Variants in SQLE observed in about 807,000 individuals in gnomAD.
SQLE encodes the protein squalene monooxygenase.
Under a neutral mutation model 60.7 loss-of-function variants are expected in SQLE, and 29 were observed. That is an observed-to-expected ratio of 0.48 (90% CI 0.36 to 0.65). The LOEUF (loss-of-function observed/expected upper bound fraction) is 0.65. Ranked by LOEUF, SQLE falls within the 30% of genes least tolerant of loss-of-function variation. SQLE has a pLI of 0.00. For missense variants in SQLE, 605 were observed against 684.1 expected (o/e 0.88, Z 1.29); for synonymous variants, 237 against 246.8 (o/e 0.96, Z 0.37).
At position 124,999,195 on chromosome 8, in the gene SQLE, C is replaced by G. The variant is rs1382728782; in HGVS notation, c.-209C>G. ...ATTTTTAAATACTGCTTTCTACGCC[C>G]TATACAACTTGGCTTCACATACTTT... On this transcript the variant is annotated 5_prime_UTR_variant, in exon 1 of 11. Transcript: ENST00000265896. 4.7e-6 allele frequency: 2 copies of G among 425,102 alleles called. No individual in the cohort carries two copies. The highest frequency in any genetic ancestry group is 8.0e-6 in the Non-Finnish European group (2 of 249,862). The allele number at this position is 425,102 out of a possible 1,614,324, so 26.3% of individuals were successfully genotyped here. A position where few individuals can be genotyped will look rare whatever the true frequency, so the allele number is the denominator to read the frequency against.
chr8:125,003,928 A>G (rs1814906499), intron 2 of SQLE, among the ~76,000 whole-genome samples: 2 of 151,886 alleles, frequency 1.3e-5, no homozygotes, highest in South Asian at 4.2e-4. Context: ...GAGAGACACA[A>G]AGAAGCAAGC....
Position 125,021,883 on chromosome 8 carries a change from T to C in SQLE, c.1663T>C (p.Tyr555His), listed in dbSNP as rs371552711. 42 of 1,610,738 alleles carry C rather than the reference T, an allele frequency of 2.6e-5. No individual in the cohort carries two copies. In the African/African-American group the frequency reaches 4.9e-4, roughly 19 times the overall value. ...RALLSSGAVL[Y>H]KACSVIFPLI... ...CCTTCTCAGTAGTGGTGCTGTATTG[T>C]ACAAAGCGTGTTCTGTAATATTTCC... The change falls in exon 11 of 11, where the codon TAC becomes CAC. Residue 555 changes from tyrosine to histidine, a missense_variant. Physicochemically the swap from Tyr to His is moderately conservative, Grantham distance 83 (BLOSUM62 2). Transcript: ENST00000265896.
intron 3 of SQLE, among the ~76,000 whole-genome samples, chr8:125,006,981 G>A (rs971496466): frequency 5.3e-5 from 8 of 152,292 alleles, no homozygotes; most frequent in Admixed American, 1.3e-4. Context: ...GGGATTACAG[G>A]TGTGAGCCAC....
chr8:125,009,456 TTAAAC>T, intron 6 of SQLE, 113 bp downstream of exon 6: 1 of 1,101,662 alleles, frequency 9.1e-7, no homozygotes, highest in Non-Finnish European at 1.2e-6. Context: ...ACTGAACTAT[TTAAAC>T]TAGCACTTAA....
chr8:124,998,855 A>G lies in SQLE; in HGVS notation c.-549A>G, dbSNP rs924807859. On this transcript the variant is annotated 5_prime_UTR_variant, in exon 1 of 11. Transcript: ENST00000265896. ...GGCTGTACAGTGTCTCCGTCCGCGG[A>G]AAAAGAAGCCTCTGAACCCGCGCCG... 1.3e-5 allele frequency: 5 copies of G among 399,646 alleles called. No homozygotes were observed. The highest frequency in any genetic ancestry group is 8.3e-5 in the African/African-American group (4 of 48,222). 24.8% of individuals were successfully genotyped at this position (399,646 alleles called of 1,614,324 possible).
chr8:124,998,702 T>G lies in SQLE; in HGVS notation c.-702T>G, dbSNP rs1814788270. Reference sequence around the variant, plus strand: ...GAAGTGCAGTCGCGGTGGGCGGCTCTGGGGGCCAGCGAAACGGGAGGCCTC... The same window carrying G: ...GAAGTGCAGTCGCGGTGGGCGGCTCGGGGGGCCAGCGAAACGGGAGGCCTC... On this transcript the variant is annotated 5_prime_UTR_variant, in exon 1 of 11. Coordinates refer to ENST00000265896, the MANE Select transcript of SQLE (RefSeq NM_003129.4). 1 of 613,820 alleles carries G rather than the reference T, an allele frequency of 1.6e-6. No individual in the cohort carries two copies. Among genetic ancestry groups the G allele is most frequent in the Middle Eastern group, 2.5e-4 (1 of 3,928 alleles). 38.0% of individuals were successfully genotyped at this position (613,820 alleles called of 1,614,324 possible).
rs1815079938 is a variant in SQLE at position 125,014,299 on chromosome 8, A to G, written c.1204+2667A>G. On this transcript the variant is annotated intron_variant, in intron 7 of 10. Coordinates refer to ENST00000265896, the MANE Select transcript of SQLE (RefSeq NM_003129.4). ...CATTTGCTGACATAGGAACAGGAAAAGGAGTTAATTGGGTTTTCTTTCTTT... is the reference window on the plus strand; with the variant it reads ...CATTTGCTGACATAGGAACAGGAAAGGGAGTTAATTGGGTTTTCTTTCTTT... Among the ~76,000 whole-genome samples the G allele has an allele frequency of 2.0e-5, 3 of 152,304 alleles. No individual in the cohort carries two copies. In the South Asian group the frequency reaches 6.2e-4, roughly 32 times the overall value.
At chr8:125,002,220 C>T (rs1407416199) in intron 1 of SQLE, among the ~76,000 whole-genome samples, 1 of 151,990 alleles carries the variant, frequency 6.6e-6, no homozygotes. Flanking sequence ...ATCTAAGAGT[C>T]GGTATGAGTT....
chr8:125,010,230 T>TC (rs1482169568), intron 6 of SQLE, among the ~76,000 whole-genome samples: 2 of 152,226 alleles, frequency 1.3e-5, no homozygotes, highest in African/African-American at 4.8e-5. Flanking sequence ...TTGTAAGGGA[T>TC]CTTCAGGATC....
In SQLE at chr8:125,018,641, C is replaced by A; in HGVS notation, c.1358C>A (p.Ser453Ter). ...DDAAIFEAKK[S>*]FYWARKTSHS... Reference sequence around the variant, plus strand: ...CTATTTCTTTTTTAGGCCAAAAAATCATTTTACTGGGCAAGAAAAACATCT... The same window carrying A: ...CTATTTCTTTTTTAGGCCAAAAAATAATTTTACTGGGCAAGAAAAACATCT... Residue 453 changes from serine to a stop codon, truncating the protein, a stop_gained, in exon 9 of 11, where the codon TCA (serine) becomes TAA (stop). Transcript: ENST00000265896. LOFTEE classifies it high-confidence loss of function. 6.3e-7 allele frequency: 1 copy of A among 1,597,896 alleles called. No homozygotes were observed. The highest frequency in any genetic ancestry group is 1.2e-5 in the South Asian group (1 of 86,882).
At chr8:125,004,543 C>T (rs1054805517) in intron 2 of SQLE, among the ~76,000 whole-genome samples, 36 of 144,824 alleles carry the variant, frequency 2.5e-4, no homozygotes, top group African/African-American at 1.0e-3. Flanking sequence ...TTGATGGTGT[C>T]CTGTTGTTTC....
chr8:125,021,878 T>G lies in SQLE; in HGVS notation c.1658T>G (p.Val553Gly). ...KPRALLSSGA[V>G]LYKACSVIFP... ...CGAGCCCTTCTCAGTAGTGGTGCTG[T>G]ATTGTACAAAGCGTGTTCTGTAATA... Residue 553 changes from valine (V) to glycine (G), a missense_variant, in exon 11 of 11, where the codon GTA becomes GGA. By Grantham distance (109) the Val-to-Gly change is moderately radical (BLOSUM62 -3). Transcript: ENST00000265896. The G allele has an allele frequency of 6.2e-7, 1 of 1,611,046 alleles. No homozygotes were observed. Among genetic ancestry groups the G allele is most frequent in the Non-Finnish European group, 8.5e-7 (1 of 1,178,296 alleles).
chr8:125,018,026 C>T (rs756659471), intron 7 of SQLE, 33 bp from the exon 8 acceptor site: 1 of 1,607,190 alleles, frequency 6.2e-7, no homozygotes, highest in Non-Finnish European at 8.5e-7. Flanking sequence ...AAGGGATGCT[C>T]TAAAATAAAA....
chr8:125,018,140 A>C lies in SQLE; in HGVS notation c.1286A>C (p.Lys429Thr), dbSNP rs749997081. 1 of 1,613,886 alleles carries C rather than the reference A, an allele frequency of 6.2e-7. No individual in the cohort carries two copies. Among genetic ancestry groups the C allele is most frequent in the Admixed American group, 1.7e-5 (1 of 60,026 alleles). Reference protein sequence around the residue: ...GGMTVAFKDIKLWRKLLKGIP... With the variant: ...GGMTVAFKDITLWRKLLKGIP... ...ATGACTGTTGCTTTTAAAGATATAA[A>C]ACTATGGAGAAAACTGCTAAAGGGT... Residue 429 changes from lysine (K) to threonine (T), a missense_variant, in exon 8 of 11, where the codon AAA (lysine) becomes ACA (threonine). By Grantham distance (78) the Lys-to-Thr change is moderately conservative. Coordinates refer to ENST00000265896, the MANE Select transcript of SQLE (RefSeq NM_003129.4).
chr8:125,002,625 C>G (rs1222297953), intron 1 of SQLE, among the ~76,000 whole-genome samples: 2 of 152,092 alleles, frequency 1.3e-5, no homozygotes, highest in Non-Finnish European at 2.9e-5. Context: ...TGCAGTGATC[C>G]GAGATTGCGC....
rs941545192 is a variant in SQLE, at chr8:125,016,318, G to T, written c.1205-1741G>T. Reference sequence around the variant, plus strand: ...TATTCTTTTTTCTTTTGTCTCCTCTGTGTATTTTCAAATAGCCTGTTTTCA... The same window carrying T: ...TATTCTTTTTTCTTTTGTCTCCTCTTTGTATTTTCAAATAGCCTGTTTTCA... On this transcript the variant is annotated intron_variant, in intron 7 of 10. Transcript: ENST00000265896. This position sits in a 1 kb window ranked among gnomAD's most constrained non-coding sequence, Gnocchi z 4.1. Among the ~76,000 whole-genome samples the T allele has an allele frequency of 2.0e-5, 3 of 151,820 alleles. No individual in the cohort carries two copies. The highest frequency in any genetic ancestry group is 2.9e-5 in the Non-Finnish European group (2 of 67,972).
At chr8:125,014,318 TTTC>T (rs1265403207) in intron 7 of SQLE, among the ~76,000 whole-genome samples, 1 of 152,230 alleles carries the variant, frequency 6.6e-6, no homozygotes, top group African/African-American at 2.4e-5. Flanking sequence ...TTGGGTTTTC[TTTC>T]TTTTTTCTTA....
chr8:125,015,198 CTG>C (rs1279405537), intron 7 of SQLE, among the ~76,000 whole-genome samples: 1 of 152,092 alleles, frequency 6.6e-6, no homozygotes, highest in East Asian at 1.9e-4. Flanking sequence ...ATCTATTTTA[CTG>C]ATGTAAATAT....
intron 6 of SQLE, among the ~76,000 whole-genome samples, 170 bp downstream of exon 6, chr8:125,009,513 G>A (rs947185902): frequency 3.3e-5 from 5 of 151,832 alleles, no homozygotes; most frequent in African/African-American, 7.3e-5. Context: ...AAAAAGTTTC[G>A]GGCCGGGCAC....
Sources: gnomAD v4.1 joint callset for allele counts (sites outside exome capture counted in the v4.1 genomes callset) on GRCh38, gnomAD v4.1.1 for gene constraint, Gnocchi (gnomAD v3.1) non-coding constraint, MANE v1.5 for transcripts, NCBI Gene and HGNC (gene_info 2026-07-23, HGNC 2026-07-21) for gene names.